Variants in CPPED1 observed in about 807,000 individuals in gnomAD.
CPPED1 encodes the protein serine/threonine-protein phosphatase CPPED1.
In CPPED1, 28 loss-of-function variants were observed where a neutral mutation model predicts 28.0. The observed-to-expected ratio is 1.00, with a 90% CI of 0.74 to 1.37. The LOEUF is 1.37. Ranked by LOEUF, CPPED1 falls within the 40% of genes most tolerant of loss-of-function variation. The probability of loss-of-function intolerance (pLI) is 0.00; values close to 1 mark genes in which losing one functional copy is unlikely to be tolerated. For missense variants in CPPED1, 504 were observed against 416.5 expected, an observed-to-expected ratio of 1.21 and a Z score of -1.83; for synonymous variants, 198 against 180.2, an observed-to-expected ratio of 1.10 and a Z score of -0.79.
chr16:12,783,260 G>A (rs2080543086), intron 1 of CPPED1, among the ~76,000 whole-genome samples: 1 of 152,212 alleles, frequency 6.6e-6, no homozygotes, highest in Admixed American at 6.5e-5. Flanking sequence ...CAGTTTGGGA[G>A]GCCAAGGCGG....
chr16:12,794,041 T>TAA (rs200984004), intron 1 of CPPED1, among the ~76,000 whole-genome samples: 5 of 148,912 alleles, frequency 3.4e-5, no homozygotes, highest in East Asian at 3.9e-4. Flanking sequence ...TTCAGCAGTT[T>TAA]AAAAAAAAAA....
In CPPED1 at chr16:12,664,960, G is replaced by C. The variant is rs755825407; in HGVS notation, c.871C>G (p.Arg291Gly). 1 of 1,610,882 alleles carries C rather than the reference G, an allele frequency of 6.2e-7. No individual in the cohort carries two copies. The highest frequency in any genetic ancestry group is 1.3e-5 in the African/African-American group (1 of 74,650). The change falls in exon 4 of 4, where the codon CGA becomes GGA. Residue 291 changes from arginine (R) to glycine (G), a missense_variant. Physicochemically the swap from Arg to Gly is moderately radical, Grantham distance 125. Transcript: ENST00000381774. The surrounding 1 kb of genome is among the most constrained non-coding windows in gnomAD (Gnocchi z 4.2). Reference sequence around the variant, plus strand: ...CTCAGCTCATCTAGACTGTAGTATCGGTGAACAATTTTCTCGGCGGTGACC... The same window carrying C: ...CTCAGCTCATCTAGACTGTAGTATCCGTGAACAATTTTCTCGGCGGTGACC... Reference protein sequence around the residue: ...VVVTAEKIVHRYYSLDELSEK... With the variant: ...VVVTAEKIVHGYYSLDELSEK...
At chr16:12,686,965 G>T (rs2079936700) in intron 3 of CPPED1, among the ~76,000 whole-genome samples, 1 of 152,016 alleles carries the variant, frequency 6.6e-6, no homozygotes, top group Admixed American at 6.6e-5. Flanking sequence ...GTACACCAGG[G>T]GTTGGAAACT....
chr16:12,737,530 A>G (rs2080232933), intron 2 of CPPED1, among the ~76,000 whole-genome samples: 1 of 152,204 alleles, frequency 6.6e-6, no homozygotes. Context: ...CAGCCCCTGG[A>G]GGGTTTTAAG....
intron 2 of CPPED1, among the ~76,000 whole-genome samples, chr16:12,779,385 AT>A (rs57294576): frequency 1.2e-3 from 172 of 145,612 alleles, no homozygotes; most frequent in African/African-American, 2.7e-3. Flanking sequence ...CGCCTGGCTA[AT>A]TTTTTTTTTT....
At chr16:12,728,882 G>C (rs1053411397) in intron 2 of CPPED1, among the ~76,000 whole-genome samples, 1 of 152,178 alleles carries the variant, frequency 6.6e-6, no homozygotes, top group African/African-American at 2.4e-5. Flanking sequence ...TCTTCAAAAA[G>C]TGTTCAAAGA....
intron 1 of CPPED1, among the ~76,000 whole-genome samples, chr16:12,781,620 C>A (rs540354596): frequency 3.8e-4 from 58 of 152,126 alleles, no homozygotes; most frequent in Admixed American, 3.7e-3. Context: ...AAGGCCAGAA[C>A]TGTCCACGTG....
chr16:12,741,179 G>C (rs2080253370), intron 2 of CPPED1, among the ~76,000 whole-genome samples: 1 of 152,160 alleles, frequency 6.6e-6, no homozygotes, highest in Non-Finnish European at 1.5e-5. Flanking sequence ...CAGGACGGCA[G>C]AGAGAGTAAA....
At chr16:12,766,898 T>C (rs2080442932) in intron 2 of CPPED1, among the ~76,000 whole-genome samples, 1 of 152,220 alleles carries the variant, frequency 6.6e-6, no homozygotes, top group Non-Finnish European at 1.5e-5. Flanking sequence ...TAACGGCCTC[T>C]ACAATCATGG....
At chr16:12,780,848 A>G (rs2080526091) in intron 2 of CPPED1, 1 of 217,584 alleles carries the variant, frequency 4.6e-6, no homozygotes, top group Non-Finnish European at 9.1e-6. Context: ...ATGAGGAGAG[A>G]AGATTATATT....
Position 12,664,347 on chromosome 16 carries a change from G to A in CPPED1, c.*539C>T, listed in dbSNP as rs1436168951. ...ATTGAACAGTAAATGGTGCCTACTTGGCTCCTTGTCAAAATAAGTCTGCAT... is the reference window on the plus strand; with the variant it reads ...ATTGAACAGTAAATGGTGCCTACTTAGCTCCTTGTCAAAATAAGTCTGCAT... On this transcript the variant is annotated 3_prime_UTR_variant, in exon 4 of 4. Transcript: ENST00000381774. This position sits in a 1 kb window ranked among gnomAD's most constrained non-coding sequence, Gnocchi z 4.2. 7.1e-6 allele frequency: 7 copies of A among 988,880 alleles called. No homozygotes were observed. Among genetic ancestry groups the A allele is most frequent in the Non-Finnish European group, 8.4e-6 (7 of 832,310 alleles). The allele number at this position is 988,880 out of a possible 1,614,324, so 61.3% of individuals were successfully genotyped here.
At chr16:12,736,033 G>A (rs1256738279) in intron 2 of CPPED1, among the ~76,000 whole-genome samples, 2 of 152,080 alleles carry the variant, frequency 1.3e-5, no homozygotes, top group Non-Finnish European at 2.9e-5. Context: ...AAGATCCCCT[G>A]GGCCCTGGAG....
intron 2 of CPPED1, among the ~76,000 whole-genome samples, chr16:12,715,001 C>T (rs1255798855): frequency 6.6e-6 from 1 of 151,740 alleles, no homozygotes; most frequent in Admixed American, 6.6e-5. Context: ...TCCAAATTCA[C>T]TCTTTTGCAT....
At chr16:12,776,966 T>C (rs532881865) in intron 2 of CPPED1, among the ~76,000 whole-genome samples, 49 of 152,344 alleles carry the variant, frequency 3.2e-4, no homozygotes, top group African/African-American at 1.2e-3. Flanking sequence ...GTGAGGTCTC[T>C]CCAGCCACGT....
intron 2 of CPPED1, among the ~76,000 whole-genome samples, chr16:12,717,183 CT>C (rs2080111547): frequency 6.6e-6 from 1 of 152,162 alleles, no homozygotes; most frequent in Admixed American, 6.5e-5. Context: ...ATAAAAAGAA[CT>C]TGGGTTTCTG....
At chr16:12,746,195 A>G (rs1375252598) in intron 2 of CPPED1, among the ~76,000 whole-genome samples, 1 of 151,914 alleles carries the variant, frequency 6.6e-6, no homozygotes, top group Non-Finnish European at 1.5e-5. Flanking sequence ...GCCAACATGG[A>G]AAAACCTCGT....
chr16:12,801,762 G>A (rs1211933943), intron 1 of CPPED1, among the ~76,000 whole-genome samples: 1 of 152,174 alleles, frequency 6.6e-6, no homozygotes, highest in Non-Finnish European at 1.5e-5. Flanking sequence ...AAATTAGGAT[G>A]ATTTTAAAAA....
At chr16:12,686,241 A>ATATATATAT (rs35644844) in intron 3 of CPPED1, among the ~76,000 whole-genome samples, 4 of 106,970 alleles carry the variant, frequency 3.7e-5, no homozygotes, top group African/African-American at 1.6e-4. Context: ...ATATATATAT[A>ATATATATAT]TTTTTTTTTT....
At chr16:12,787,035 C>T (rs765176903) in intron 1 of CPPED1, among the ~76,000 whole-genome samples, 2 of 152,150 alleles carry the variant, frequency 1.3e-5, no homozygotes, top group Non-Finnish European at 2.9e-5. Context: ...TATGTGTACA[C>T]CCATACGTAC....
Sources: gnomAD v4.1 joint callset for allele counts (sites outside exome capture counted in the v4.1 genomes callset) on GRCh38, gnomAD v4.1.1 for gene constraint, Gnocchi (gnomAD v3.1) non-coding constraint, MANE v1.5 for transcripts, NCBI Gene and HGNC (gene_info 2026-07-23, HGNC 2026-07-21) for gene names.